PCDHGB1: variants seen among roughly 807,000 people sequenced by gnomAD.
The protein encoded by PCDHGB1 is protocadherin gamma-B1.
PCDHGB1 carries 34 observed loss-of-function variants against 56.6 expected under a neutral mutation model. The observed-to-expected ratio is 0.60, with a 90% confidence interval of 0.46 to 0.80. The LOEUF (loss-of-function observed/expected upper bound fraction) is 0.80, where lower values mean the gene tolerates loss of function less well. PCDHGB1 is among the 30% of genes least tolerant of loss of function. PCDHGB1 has a pLI of 0.00. For missense variants in PCDHGB1, 1,278 were observed against 1,204.6 expected, an observed-to-expected ratio of 1.06 and a Z score of -0.90; for synonymous variants, 561 against 505.9, an observed-to-expected ratio of 1.11 and a Z score of -1.46.
chr5:141,496,839 A>G (rs2099771783), intron 2 of PCDHGB1, among the ~76,000 whole-genome samples: 1 of 151,484 alleles, frequency 6.6e-6, no homozygotes. Flanking sequence ...CAGAACTCAT[A>G]GGCTTCCAGA....
chr5:141,487,688 G>T lies in PCDHGB1; in HGVS notation c.2410-7119G>T, dbSNP rs376927186. ...AGGCATATGGCTAGGCCATGTCCTAGAGAGTACTGGCCTCTCAGTAAGTGC... is the reference window on the plus strand; with the variant it reads ...AGGCATATGGCTAGGCCATGTCCTATAGAGTACTGGCCTCTCAGTAAGTGC... On this transcript the variant is annotated intron_variant, in intron 1 of 3. Coordinates refer to ENST00000523390, the MANE Select transcript of PCDHGB1 (RefSeq NM_018922.3). The surrounding 1 kb of genome is among the most constrained non-coding windows in gnomAD (Gnocchi z 5.0). 1.2e-6 allele frequency: 2 copies of T among 1,604,966 alleles called. No individual in the cohort carries two copies.
chr5:141,381,122 C>G (rs1328848955), intron 1 of PCDHGB1, among the ~76,000 whole-genome samples: 2 of 152,200 alleles, frequency 1.3e-5, no homozygotes, highest in Admixed American at 1.3e-4. Context: ...TCCCTGTATT[C>G]TGGAGCAATG....
intron 1 of PCDHGB1, chr5:141,478,730 G>A: frequency 6.5e-7 from 1 of 1,538,906 alleles, no homozygotes; most frequent in South Asian, 1.2e-5. Flanking sequence ...GCCAGAGTGT[G>A]GTTTGTGGTC....
At position 141,491,578 on chromosome 5, in the gene PCDHGB1, C is replaced by T. The variant is rs1438933474; in HGVS notation, c.2410-3229C>T. 7.4e-6 allele frequency: 12 copies of T among 1,613,888 alleles called. No homozygotes were observed. The highest frequency in any genetic ancestry group is 1.0e-5 in the Non-Finnish European group (12 of 1,180,044). On this transcript the variant is annotated intron_variant, in intron 1 of 3. Coordinates refer to ENST00000523390, the MANE Select transcript of PCDHGB1 (RefSeq NM_018922.3). This position sits in a 1 kb window ranked among gnomAD's most constrained non-coding sequence, Gnocchi z 6.9. ...CCACTGCTACAGGACGTGCTTTTCA[C>T]CGGCCTCGGACGGCAGTGACTTCAC...
Position 141,431,260 on chromosome 5 carries a change from G to C in PCDHGB1, c.2410-63547G>C, listed in dbSNP as rs762250032. On this transcript the variant is annotated intron_variant, in intron 1 of 3. Coordinates refer to ENST00000523390, the MANE Select transcript of PCDHGB1 (RefSeq NM_018922.3). The surrounding 1 kb of genome is among the most constrained non-coding windows in gnomAD (Gnocchi z 4.8). The stretch of plus-strand genomic sequence containing the variant: ...ATCCGGATATCGGGAAGAACTCTCT[G>C]CAGAGCTACGAGCTCAGCCCGAACA... 6.2e-7 allele frequency: 1 copy of C among 1,614,170 alleles called. No homozygotes were observed. Among genetic ancestry groups the C allele is most frequent in the Non-Finnish European group, 8.5e-7 (1 of 1,180,052 alleles).
At chr5:141,492,673 C>T (rs2099743035) in intron 1 of PCDHGB1, among the ~76,000 whole-genome samples, 1 of 152,250 alleles carries the variant, frequency 6.6e-6, no homozygotes, top group Non-Finnish European at 1.5e-5. Flanking sequence ...GGGACTCCGT[C>T]TCAAGGGTCG....
chr5:141,351,016 A>G lies in PCDHGB1; in HGVS notation c.756A>G (p.Val252=), dbSNP rs1460615244. 1.1e-5 allele frequency: 17 copies of G among 1,614,078 alleles called. No homozygotes were observed. Among genetic ancestry groups the G allele is most frequent in the Non-Finnish European group, 1.4e-5 (17 of 1,179,902 alleles). The change falls in exon 1 of 4, where the codon GTA becomes GTG. Residue 252 remains valine (V), a synonymous_variant. Transcript: ENST00000523390. The part of the protein sequence containing the change: ...EVYRVSLQEN[V]PWGTSVLRVM... ...ACAGGGTTAGCCTCCAAGAAAACGT[A>G]CCGTGGGGAACCTCCGTGCTGCGGG...
At chr5:141,398,908 G>C (rs2093725359) in intron 1 of PCDHGB1, 1 of 1,613,860 alleles carries the variant, frequency 6.2e-7, no homozygotes, top group South Asian at 1.1e-5. Flanking sequence ...AGGCACCACT[G>C]TGTTGCAAGT....
At chr5:141,484,317 T>C (rs939085863) in intron 1 of PCDHGB1, among the ~76,000 whole-genome samples, 1 of 152,220 alleles carries the variant, frequency 6.6e-6, no homozygotes, top group Non-Finnish European at 1.5e-5. Context: ...CCCGCTTCCA[T>C]ACTGTCCTTG....
At chr5:141,509,599 A>G (rs964564148) in intron 3 of PCDHGB1, among the ~76,000 whole-genome samples, 6 of 152,158 alleles carry the variant, frequency 3.9e-5, no homozygotes, top group African/African-American at 1.4e-4. Context: ...CAATTCCGAG[A>G]GGCTGCATTC....
chr5:141,459,068 A>G (rs1278498678), intron 1 of PCDHGB1, among the ~76,000 whole-genome samples: 1 of 152,226 alleles, frequency 6.6e-6, no homozygotes, highest in African/African-American at 2.4e-5. Flanking sequence ...TATATAACAT[A>G]AAATTTGCCT....
chr5:141,365,324 A>T, intron 1 of PCDHGB1: 1 of 1,613,936 alleles, frequency 6.2e-7, no homozygotes, highest in Non-Finnish European at 8.5e-7. Context: ...TGCCAGCGCT[A>T]AGGTGGTGGT....
intron 1 of PCDHGB1, among the ~76,000 whole-genome samples, chr5:141,472,497 G>A (rs1196427013): frequency 1.3e-5 from 2 of 151,958 alleles, no homozygotes; most frequent in Non-Finnish European, 2.9e-5. Context: ...ACGAGATCGT[G>A]CCACTGCACT....
intron 1 of PCDHGB1, chr5:141,426,408 G>A (rs2096933631): frequency 1.2e-5 from 3 of 258,388 alleles, no homozygotes; most frequent in South Asian, 4.8e-5. Flanking sequence ...CAGAAGAAAC[G>A]GTCCAGGGCT....
Position 141,491,529 on chromosome 5 carries a change from G to T in PCDHGB1, c.2410-3278G>T, listed in dbSNP as rs1157770121. ...GCACGCTCAAGTACATGGAGGTGAC[G>T]CTGCGGCCCACAGACTCGCAGAGCC... On this transcript the variant is annotated intron_variant, in intron 1 of 3. Transcript: ENST00000523390. This position sits in a 1 kb window ranked among gnomAD's most constrained non-coding sequence, Gnocchi z 6.9. The T allele has an allele frequency of 6.2e-7, 1 of 1,614,040 alleles. No individual in the cohort carries two copies. The highest frequency in any genetic ancestry group is 1.1e-5 in the South Asian group (1 of 91,080).
At position 141,489,494 on chromosome 5, in the gene PCDHGB1, C is replaced by A. The variant is rs1191408769; in HGVS notation, c.2410-5313C>A. ...CTGAGCTTGATGAGTGGTGCCCTGGCAGTGAATCAAAAGATTGACCGAGAA... is the reference window on the plus strand; with the variant it reads ...CTGAGCTTGATGAGTGGTGCCCTGGAAGTGAATCAAAAGATTGACCGAGAA... On this transcript the variant is annotated intron_variant, in intron 1 of 3. Coordinates refer to ENST00000523390, the MANE Select transcript of PCDHGB1 (RefSeq NM_018922.3). This position sits in a 1 kb window ranked among gnomAD's most constrained non-coding sequence, Gnocchi z 4.5. 1.1e-5 allele frequency: 18 copies of A among 1,613,932 alleles called. No individual in the cohort carries two copies. The highest frequency in any genetic ancestry group is 1.7e-5 in the Admixed American group (1 of 59,998).
At position 141,370,670 on chromosome 5, in the gene PCDHGB1, AGAG is replaced by A. The variant is rs774593251; in HGVS notation, c.2409+18005_2409+18007del. On this transcript the variant is annotated intron_variant, in intron 1 of 3. Coordinates refer to ENST00000523390, the MANE Select transcript of PCDHGB1 (RefSeq NM_018922.3). ...TACTTGTGAGCGACCGTATAGACCGAGAGGAGATTTGTGGCAAGAAGTCGACGT... is the reference window on the plus strand; with the variant it reads ...TACTTGTGAGCGACCGTATAGACCGAGAGATTTGTGGCAAGAAGTCGACGT... The A allele has an allele frequency of 1.4e-5, 22 of 1,613,768 alleles. No homozygotes were observed. In the South Asian group the frequency reaches 1.5e-4, roughly 11 times the overall value.
chr5:141,375,700 C>T (rs746996990), intron 1 of PCDHGB1: 9 of 1,614,270 alleles, frequency 5.6e-6, no homozygotes, highest in Middle Eastern at 3.3e-4. Flanking sequence ...ACAGCGGGGA[C>T]CCGCCTCTTA....
chr5:141,491,723 G>C lies in PCDHGB1; in HGVS notation c.2410-3084G>C. The C allele has an allele frequency of 1.2e-6, 2 of 1,606,770 alleles. No homozygotes were observed. The highest frequency in any genetic ancestry group is 1.7e-6 in the Non-Finnish European group (2 of 1,177,028). On this transcript the variant is annotated intron_variant, in intron 1 of 3. Transcript: ENST00000523390. The surrounding 1 kb of genome is among the most constrained non-coding windows in gnomAD (Gnocchi z 6.9). The stretch of plus-strand genomic sequence containing the variant: ...CAGGTGAGGGGCTCGGCGCCGCCCC[G>C]GGCGACCCCTGGGGGCGGCACTGGA...
Sources: gnomAD v4.1 joint callset for allele counts (sites outside exome capture counted in the v4.1 genomes callset) on GRCh38, gnomAD v4.1.1 for gene constraint, Gnocchi (gnomAD v3.1) non-coding constraint, MANE v1.5 for transcripts, NCBI Gene and HGNC (gene_info 2026-07-23, HGNC 2026-07-21) for gene names.